The following COL11A1 variants were observed in gnomAD, a reference collection of about 807,000 sequenced individuals.
COL11A1 encodes the protein collagen alpha-1(XI) chain.
A neutral mutation model predicts 265.2 loss-of-function variants in COL11A1; 74 were observed. The ratio of observed to expected loss-of-function variants is 0.28; its 90% CI spans 0.23 to 0.34. The LOEUF (loss-of-function observed/expected upper bound fraction) is 0.34. Among genes scored for constraint, COL11A1 ranks in the 10% least tolerant of loss-of-function variants. The pLI, the probability that COL11A1 is intolerant of heterozygous loss-of-function variation, is 1.00. For synonymous variants in COL11A1, 816 were observed against 727.6 expected (o/e 1.12, Z -1.96); for missense variants, 2,165 against 2,263.6 (o/e 0.96, Z 0.88).
intron 4 of COL11A1, among the ~76,000 whole-genome samples, chr1:103,046,381 T>C (rs1479837777): frequency 2.0e-5 from 3 of 151,204 alleles, no homozygotes; most frequent in East Asian, 3.9e-4. Context: ...TTTCATGTGT[T>C]TTTTGGCTGC....
intron 65 of COL11A1, among the ~76,000 whole-genome samples, chr1:102,880,323 GT>G (rs1407185539): frequency 2.0e-5 from 3 of 152,150 alleles, no homozygotes; most frequent in Non-Finnish European, 4.4e-5. Flanking sequence ...CTGGTTTTAT[GT>G]TGTTTGATTT....
chr1:102,933,832 C>G (rs984002590), intron 46 of COL11A1, among the ~76,000 whole-genome samples: 1 of 152,172 alleles, frequency 6.6e-6, no homozygotes, highest in African/African-American at 2.4e-5. Flanking sequence ...TGCAGTATTC[C>G]GGTGGGAGTG....
chr1:103,067,109 A>G (rs144615088), intron 4 of COL11A1, among the ~76,000 whole-genome samples: 4 of 152,150 alleles, frequency 2.6e-5, no homozygotes, highest in Admixed American at 1.3e-4. Flanking sequence ...AACTGATAGA[A>G]CAAGTAGACA....
intron 41 of COL11A1, among the ~76,000 whole-genome samples, 163 bp from the exon 42 acceptor site, chr1:102,947,119 T>C (rs1447956161): frequency 2.0e-5 from 3 of 152,206 alleles, no homozygotes; most frequent in African/African-American, 7.2e-5. Context: ...GAATCCACTA[T>C]TTGAGAGACT....
At chr1:103,107,097 C>A (rs1674751727) in intron 1 of COL11A1, among the ~76,000 whole-genome samples, 1 of 152,096 alleles carries the variant, frequency 6.6e-6, no homozygotes, top group Non-Finnish European at 1.5e-5. Flanking sequence ...CAGCCAGATG[C>A]CTTTTCGGGA....
At chr1:102,939,164 A>C in intron 43 of COL11A1, 76 bp from the exon 44 acceptor site, 1 of 1,293,732 alleles carries the variant, frequency 7.7e-7, no homozygotes, top group Non-Finnish European at 1.1e-6. Flanking sequence ...CAAACAGTTA[A>C]ATTTTACCTT....
Position 103,005,061 on chromosome 1 carries a change from T to A in COL11A1, c.1846-400A>T, listed in dbSNP as rs557867771. On this transcript the variant is annotated intron_variant, in intron 18 of 66. Transcript: ENST00000370096. ...CTACTTCTAAGTAATTTATATTAAA[T>A]CAGCATAACTCAGGTGACTAAAGAA... 2.0e-5 allele frequency among the ~76,000 whole-genome samples: 3 copies of A among 152,182 alleles called. No individual in the cohort carries two copies. The East Asian group carries it at 5.8e-4, about 29-fold the overall frequency.
At chr1:103,061,759 A>G (rs79216307) in intron 4 of COL11A1, among the ~76,000 whole-genome samples, 4,636 of 152,074 alleles carry the variant, frequency 0.03, 266 homozygotes, top group African/African-American at 0.11. Flanking sequence ...TCTAAAATCA[A>G]CTGTCTAAGC....
In COL11A1 at chr1:103,031,107, G is replaced by C. The variant is rs1335175397; in HGVS notation, c.780+9C>G. ...ATACGAAGACCTTCTCTGGTCTTGT[G>C]CTCCTCACCTCATCTATCTGAGGTT... On this transcript the variant is annotated intron_variant, in intron 5 of 66. Coordinates refer to ENST00000370096, the MANE Select transcript of COL11A1 (RefSeq NM_001854.4). 2 of 1,613,186 alleles carry C rather than the reference G, an allele frequency of 1.2e-6. No homozygotes were observed. The highest frequency in any genetic ancestry group is 8.5e-7 in the Non-Finnish European group (1 of 1,179,494).
chr1:102,902,933 T>A (rs1309504118), intron 54 of COL11A1, among the ~76,000 whole-genome samples: 10 of 151,804 alleles, frequency 6.6e-5, no homozygotes, highest in Non-Finnish European at 1.5e-4. Context: ...AGTTAAAACT[T>A]CATCTGTCAT....
At position 103,003,137 on chromosome 1, in the gene COL11A1, C is replaced by A. The variant is rs1665281273; in HGVS notation, c.1998+78G>T. ...AAGGCAATAAACTCTTGGCTCTCTA[C>A]TGAGGGCTTTTATGGCCTCTAAAAG... On this transcript the variant is annotated intron_variant, in intron 21 of 66. Transcript: ENST00000370096. 8 of 1,451,702 alleles carry A rather than the reference C, an allele frequency of 5.5e-6. No individual in the cohort carries two copies. In the East Asian group the frequency reaches 1.1e-4, roughly 21 times the overall value. The allele number at this position is 1,451,702 out of a possible 1,614,324, so 89.9% of individuals were successfully genotyped here.
chr1:102,886,861 T>C lies in COL11A1; in HGVS notation c.4804A>G (p.Asn1602Asp). ...HMKFPMGTQT[N>D]PARTCKDLQL... The stretch of plus-strand genomic sequence containing the variant: ...AGGTCTTTACAAGTTCGGGCTGGAT[T>C]GGTCTGAGTACCCATTGGAAATTTC... Residue 1602 changes from asparagine to aspartate, a missense_variant, in exon 63 of 67, where the codon AAT becomes GAT. Transcript: ENST00000370096. 1 of 1,613,922 alleles carries C rather than the reference T, an allele frequency of 6.2e-7. No individual in the cohort carries two copies. Among genetic ancestry groups the C allele is most frequent in the Non-Finnish European group, 8.5e-7 (1 of 1,179,842 alleles).
chr1:102,984,231 G>T (rs1439451319), intron 30 of COL11A1, 40 bp from the exon 31 acceptor site: 2 of 1,281,198 alleles, frequency 1.6e-6, no homozygotes, highest in Non-Finnish European at 2.2e-6. Context: ...AATATTTTAA[G>T]TTGAATTAAG....
In COL11A1 at chr1:103,082,675, A is replaced by G. The variant is rs570153542; in HGVS notation, c.274+130T>C. On this transcript the variant is annotated intron_variant, in intron 2 of 66. Coordinates refer to ENST00000370096, the MANE Select transcript of COL11A1 (RefSeq NM_001854.4). The stretch of plus-strand genomic sequence containing the variant: ...ATATAAGAAAGAATTGCATTTTACC[A>G]TATAATTGCACATTATCTAACCTGA... The G allele has an allele frequency of 1.0e-5, 8 of 780,484 alleles. No homozygotes were observed. In the African/African-American group the frequency reaches 1.2e-4, roughly 12 times the overall value. 48.3% of individuals were successfully genotyped at this position (780,484 alleles called of 1,614,324 possible). A position where few individuals can be genotyped will look rare whatever the true frequency, so the allele number is the denominator to read the frequency against.
At chr1:103,036,322 GTATA>G (rs3056958) in intron 4 of COL11A1, among the ~76,000 whole-genome samples, 31,448 of 139,984 alleles carry the variant, frequency 0.22, 4,005 homozygotes, top group Non-Finnish European at 0.29. Flanking sequence ...AGTTGCTATC[GTATA>G]TATATATATA....
intron 44 of COL11A1, among the ~76,000 whole-genome samples, chr1:102,935,514 C>G (rs1658047102): frequency 6.6e-6 from 1 of 152,098 alleles, no homozygotes; most frequent in Non-Finnish European, 1.5e-5. Context: ...GAGTGAATAT[C>G]AGAATTCTGA....
intron 46 of COL11A1, among the ~76,000 whole-genome samples, chr1:102,933,736 A>G (rs1419290832): frequency 6.6e-6 from 1 of 152,034 alleles, no homozygotes; most frequent in Non-Finnish European, 1.5e-5. Flanking sequence ...GCTAGCAATC[A>G]GCGAGACTCC....
At chr1:102,978,608 C>T (rs1480834356) in intron 35 of COL11A1, 100 bp downstream of exon 35, 1 of 1,248,702 alleles carries the variant, frequency 8.0e-7, no homozygotes. Flanking sequence ...TGTGGATAGA[C>T]ATGCACATGT....
intron 27 of COL11A1, 34 bp downstream of exon 27, chr1:102,995,955 G>GA: frequency 9.9e-6 from 16 of 1,611,420 alleles, no homozygotes; most frequent in Non-Finnish European, 1.3e-5. Context: ...ATTTCACTTT[G>GA]AAAGTAAATA....
Sources: allele counts gnomAD v4.1 joint callset (sites outside exome capture counted in the v4.1 genomes callset), GRCh38; gene constraint gnomAD v4.1.1; transcripts MANE v1.5; gene names NCBI Gene and HGNC (gene_info 2026-07-23, HGNC 2026-07-21).